Variants in CPVL observed in about 807,000 individuals in gnomAD.
The protein encoded by CPVL is carboxypeptidase vitellogenic like.
CPVL carries 51 observed loss-of-function variants against 63.7 expected under a neutral mutation model. The observed-to-expected ratio is 0.80, with a 90% confidence interval of 0.64 to 1.01. The LOEUF (loss-of-function observed/expected upper bound fraction) is 1.01, where lower values mean the gene tolerates loss of function less well. Among genes scored for constraint, CPVL ranks in the 50% least tolerant of loss-of-function variants. The pLI, the probability that CPVL is intolerant of heterozygous loss-of-function variation, is 0.00. For synonymous variants in CPVL, 195 were observed against 206.0 expected (o/e 0.95, Z 0.46); for missense variants, 530 against 573.1 (o/e 0.92, Z 0.77).
intron 11 of CPVL, among the ~76,000 whole-genome samples, chr7:29,031,822 C>G (rs985354976): frequency 6.6e-6 from 1 of 152,052 alleles, no homozygotes. Flanking sequence ...AACCATGATG[C>G]AATGTGGGAA....
chr7:29,063,932 G>A (rs991301907), intron 11 of CPVL, 129 bp downstream of exon 11: 4 of 629,304 alleles, frequency 6.4e-6, no homozygotes, highest in African/African-American at 5.6e-5. Context: ...AAAGAAAGGG[G>A]CTGTTATTTA....
chr7:29,169,229 G>A (rs1351304092), intron 5 of CPVL, among the ~76,000 whole-genome samples: 8 of 152,064 alleles, frequency 5.3e-5, no homozygotes, highest in Non-Finnish European at 8.8e-5. Flanking sequence ...GTTGTACTAC[G>A]AATAAATGCA....
At chr7:29,134,805 C>T (rs1212734422) in intron 1 of CPVL, among the ~76,000 whole-genome samples, 2 of 151,986 alleles carry the variant, frequency 1.3e-5, no homozygotes, top group African/African-American at 4.8e-5. Context: ...AAAAAGATGG[C>T]AGATAAAATT....
Position 29,108,999 on chromosome 7 carries a change from G to A in CPVL, c.288+3705C>T, listed in dbSNP as rs142010682. Among the ~76,000 whole-genome samples the A allele has an allele frequency of 8.8e-3, 1,332 of 152,178 alleles. 8 individuals carry two copies. The highest frequency in any genetic ancestry group is 0.016 in the Admixed American group (245 of 15,286). On this transcript the variant is annotated intron_variant, in intron 3 of 12. Coordinates refer to ENST00000265394, the MANE Select transcript of CPVL (RefSeq NM_031311.5). ...GCCAATTTCTAGTTGAGTAACTTGG[G>A]GCTGATTATTTAATCTCTTCATCTA...
At chr7:29,005,340 C>T (rs1433934179) in intron 12 of CPVL, among the ~76,000 whole-genome samples, 4 of 152,112 alleles carry the variant, frequency 2.6e-5, no homozygotes, top group Non-Finnish European at 4.4e-5. Context: ...GGAGAAATTA[C>T]AGCACTAATA....
At chr7:29,067,296 ATGC>A (rs1308505516) in intron 9 of CPVL, among the ~76,000 whole-genome samples, 2 of 152,330 alleles carry the variant, frequency 1.3e-5, no homozygotes. Flanking sequence ...GACAAGAATA[ATGC>A]TGCAGAGAGT....
intron 3 of CPVL, among the ~76,000 whole-genome samples, chr7:29,104,157 G>T (rs748055308): frequency 6.6e-6 from 1 of 152,170 alleles, no homozygotes; most frequent in Non-Finnish European, 1.5e-5. Context: ...GTTTTTCAAA[G>T]AAATTTTATT....
intron 11 of CPVL, among the ~76,000 whole-genome samples, chr7:29,046,246 G>C (rs907546169): frequency 1.3e-5 from 2 of 151,806 alleles, no homozygotes; most frequent in Non-Finnish European, 2.9e-5. Context: ...CACCACACCC[G>C]GCTAATTTTT....
chr7:29,121,584 A>G (rs1462589141), intron 1 of CPVL, among the ~76,000 whole-genome samples: 1 of 152,220 alleles, frequency 6.6e-6, no homozygotes, highest in Non-Finnish European at 1.5e-5. Flanking sequence ...AGAAGGGCAG[A>G]GGATTGAAAG....
chr7:29,104,225 G>A (rs1371256446), intron 3 of CPVL, among the ~76,000 whole-genome samples: 1 of 152,118 alleles, frequency 6.6e-6, no homozygotes, highest in Non-Finnish European at 1.5e-5. Flanking sequence ...TGCTGCCATG[G>A]CACCATCATA....
intron 7 of CPVL, among the ~76,000 whole-genome samples, chr7:29,074,650 C>T (rs1229321770): frequency 2.0e-5 from 3 of 151,706 alleles, no homozygotes; most frequent in Admixed American, 2.0e-4. Flanking sequence ...CAGTTTCCCC[C>T]ATGCTATTCT....
intron 6 of CPVL, among the ~76,000 whole-genome samples, chr7:29,088,533 A>T (rs1785434458): frequency 6.6e-6 from 1 of 152,220 alleles, no homozygotes; most frequent in Non-Finnish European, 1.5e-5. Context: ...GAATGAAAAA[A>T]GTAAATTTAG....
chr7:29,091,264 G>C (rs1053107992), intron 6 of CPVL, among the ~76,000 whole-genome samples: 1 of 152,344 alleles, frequency 6.6e-6, no homozygotes, highest in Admixed American at 6.5e-5. Context: ...TGGGGGAGGG[G>C]AAGGAAAGAC....
chr7:29,110,765 T>G (rs963322997), intron 3 of CPVL, among the ~76,000 whole-genome samples: 3 of 152,244 alleles, frequency 2.0e-5, no homozygotes, highest in Non-Finnish European at 4.4e-5. Flanking sequence ...GCTAATCAAC[T>G]GGCCTTAAAA....
chr7:29,137,362 T>C (rs976291031), intron 1 of CPVL, among the ~76,000 whole-genome samples: 1 of 152,150 alleles, frequency 6.6e-6, no homozygotes, highest in Non-Finnish European at 1.5e-5. Context: ...TAGACAAAGA[T>C]TGGCCCACAG....
chr7:29,024,901 T>G (rs1787341192), intron 12 of CPVL, among the ~76,000 whole-genome samples: 1 of 152,086 alleles, frequency 6.6e-6, no homozygotes, highest in African/African-American at 2.4e-5. Context: ...CATGAAAGTA[T>G]AAACTCACTG....
chr7:29,176,000 C>A (rs1797272392), intron 5 of CPVL, among the ~76,000 whole-genome samples: 1 of 152,090 alleles, frequency 6.6e-6, no homozygotes. Flanking sequence ...TCCTGACTAA[C>A]ACGGTGAAAC....
intron 2 of CPVL, among the ~76,000 whole-genome samples, chr7:29,115,701 A>G (rs1295068855): frequency 6.6e-6 from 1 of 152,140 alleles, no homozygotes. Flanking sequence ...TGAGATGTGG[A>G]CCACAGAGAG....
chr7:29,125,838 C>T lies in CPVL; in HGVS notation c.-10-4767G>A, dbSNP rs76595270. Among the ~76,000 whole-genome samples, 512 of 152,150 alleles carry T rather than the reference C, an allele frequency of 3.4e-3. 3 individuals carry two copies. Among genetic ancestry groups the T allele is most frequent in the South Asian group, 6.6e-3 (32 of 4,816 alleles). ...AAATAAACAAATGAATAAAAAGAAA[C>T]GTTGATAAGTAAATCTGTCTAGAGT... On this transcript the variant is annotated intron_variant, in intron 1 of 12. Transcript: ENST00000265394.
Sources: allele counts gnomAD v4.1 joint callset (sites outside exome capture counted in the v4.1 genomes callset), GRCh38; gene constraint gnomAD v4.1.1; transcripts MANE v1.5; gene names NCBI Gene and HGNC (gene_info 2026-07-23, HGNC 2026-07-21).